FAM91A1: variants seen among roughly 807,000 people sequenced by gnomAD.
The protein encoded by FAM91A1 is family with sequence similarity 91 member A1.
Under a neutral mutation model 113.5 loss-of-function variants are expected in FAM91A1, and 41 were observed. That is an observed-to-expected ratio of 0.36 (90% confidence interval 0.28 to 0.47). The LOEUF (loss-of-function observed/expected upper bound fraction) is 0.47. Among genes scored for constraint, FAM91A1 ranks in the 20% least tolerant of loss-of-function variants. The pLI is 1.00. For synonymous variants in FAM91A1, 307 were observed against 347.9 expected, an observed-to-expected ratio of 0.88 and a Z score of 1.31; for missense variants, 696 against 1,001.2, an observed-to-expected ratio of 0.70 and a Z score of 4.11.
chr8:123,806,269 T>G, intron 20 of FAM91A1, 40 bp downstream of exon 20: 2 of 1,577,158 alleles, frequency 1.3e-6, no homozygotes, highest in Non-Finnish European at 1.7e-6. Context: ...AGATAATTGG[T>G]TTTGAGTTTG....
chr8:123,771,375 T>C (rs72715028), intron 1 of FAM91A1, among the ~76,000 whole-genome samples: 2,357 of 152,330 alleles, frequency 0.015, 33 homozygotes, highest in Middle Eastern at 0.024. Context: ...TTTGGCATTA[T>C]AGATTTTTAG....
At chr8:123,780,130 T>G in intron 7 of FAM91A1, 55 bp downstream of exon 7, 5 of 1,455,566 alleles carry the variant, frequency 3.4e-6, no homozygotes, top group Non-Finnish European at 4.8e-6. Context: ...TTTTAAACCA[T>G]CAATAATTAC....
In FAM91A1 at chr8:123,810,361, A is replaced by C; in HGVS notation, c.2331+10A>C. On this transcript the variant is annotated intron_variant, in intron 23 of 23. Transcript: ENST00000334705. ...TGTTCACTCATTCCAGGTAACAAAA[A>C]CCAAAAAGTCCAAATGGTACTTGTA... 3 of 1,613,224 alleles carry C rather than the reference A, an allele frequency of 1.9e-6. No homozygotes were observed. Among genetic ancestry groups the C allele is most frequent in the Non-Finnish European group, 2.5e-6 (3 of 1,179,372 alleles).
chr8:123,774,538 A>G (rs1205107644), intron 2 of FAM91A1, among the ~76,000 whole-genome samples: 1 of 152,100 alleles, frequency 6.6e-6, no homozygotes, highest in Non-Finnish European at 1.5e-5. Flanking sequence ...AAACTTTATA[A>G]TAATTGGGAC....
intron 16 of FAM91A1, 130 bp from the exon 17 acceptor site, chr8:123,799,390 T>C (rs1815621213): frequency 5.1e-6 from 4 of 787,078 alleles, no homozygotes; most frequent in South Asian, 4.6e-5. Context: ...TAATGAAACA[T>C]TTAAAGTTAT....
At chr8:123,788,051 G>A (rs1356500790) in intron 14 of FAM91A1, 3 of 385,076 alleles carry the variant, frequency 7.8e-6, no homozygotes, top group East Asian at 3.2e-4. Flanking sequence ...TTGAATTTTT[G>A]CTAAAATAGC....
intron 22 of FAM91A1, among the ~76,000 whole-genome samples, chr8:123,809,724 C>T (rs1191017682): frequency 6.6e-6 from 1 of 152,106 alleles, no homozygotes; most frequent in Non-Finnish European, 1.5e-5. Flanking sequence ...TAGCTTTTAT[C>T]AGAAAATGAA....
chr8:123,805,491 T>C, intron 19 of FAM91A1, 152 bp downstream of exon 19: 1 of 653,706 alleles, frequency 1.5e-6, no homozygotes, highest in Non-Finnish European at 2.6e-6. Flanking sequence ...AGGTAGTTTT[T>C]TGTCATGTGC....
chr8:123,774,267 A>C, intron 2 of FAM91A1, 103 bp downstream of exon 2: 1 of 895,974 alleles, frequency 1.1e-6, no homozygotes, highest in Non-Finnish European at 1.7e-6. Context: ...AGATTATTCC[A>C]TGTACAGACT....
intron 19 of FAM91A1, 21 bp from the exon 20 acceptor site, chr8:123,806,059 T>C: frequency 6.6e-7 from 1 of 1,524,494 alleles, no homozygotes; most frequent in East Asian, 2.3e-5. Flanking sequence ...TTCATTAATG[T>C]GATGTCCGTT....
At chr8:123,791,293 A>AT (rs34032505) in intron 15 of FAM91A1, among the ~76,000 whole-genome samples, 33,137 of 148,068 alleles carry the variant, frequency 0.22, 4,041 homozygotes, top group East Asian at 0.35. Flanking sequence ...GTGTCTGTTG[A>AT]TTTTTTTTTT....
At chr8:123,794,139 A>G (rs1815449539) in intron 15 of FAM91A1, among the ~76,000 whole-genome samples, 1 of 152,240 alleles carries the variant, frequency 6.6e-6, no homozygotes, top group South Asian at 2.1e-4. Flanking sequence ...ACAGTTGACA[A>G]GTGAACAACG....
chr8:123,789,823 T>G, intron 15 of FAM91A1, 78 bp downstream of exon 15: 3 of 1,491,768 alleles, frequency 2.0e-6, no homozygotes, highest in Non-Finnish European at 2.7e-6. Flanking sequence ...TCATGCTCAC[T>G]TATATAATCA....
chr8:123,768,797 G>C, intron 1 of FAM91A1, 23 bp downstream of exon 1: 1 of 1,606,636 alleles, frequency 6.2e-7, no homozygotes, highest in South Asian at 1.1e-5. Context: ...CCTGGGACCG[G>C]GCCCCTGACG....
chr8:123,769,375 T>A (rs1309200807), intron 1 of FAM91A1, among the ~76,000 whole-genome samples: 2 of 151,988 alleles, frequency 1.3e-5, no homozygotes, highest in Non-Finnish European at 2.9e-5. Flanking sequence ...ATCACCAGAG[T>A]TTGGACTGAC....
Position 123,798,134 on chromosome 8 carries a change from G to C in FAM91A1, c.1456G>C (p.Asp486His). Residue 486 changes from aspartate (D) to histidine (H), a missense_variant, in exon 16 of 24, where the codon GAC (aspartate) becomes CAC (histidine). Transcript: ENST00000334705. ...LLRCESLLGL[D>H]PATCSRVLNK... ...ACGCTGTGAAAGCCTTCTTGGTTTG[G>C]ACCCTGCAACTTGCAGCAGAGTTCT... The C allele has an allele frequency of 6.2e-7, 1 of 1,613,892 alleles. No homozygotes were observed.
At chr8:123,791,604 G>A (rs1224372059) in intron 15 of FAM91A1, among the ~76,000 whole-genome samples, 1 of 152,060 alleles carries the variant, frequency 6.6e-6, no homozygotes, top group African/African-American at 2.4e-5. Context: ...CTCCCCTTAA[G>A]ACCAAACCTG....
chr8:123,783,297 C>G (rs80060450), intron 8 of FAM91A1, among the ~76,000 whole-genome samples: 1,781 of 152,220 alleles, frequency 0.012, 44 homozygotes, highest in African/African-American at 0.04. Flanking sequence ...TAGCCTAGCA[C>G]TTAGTAAGCA....
intron 18 of FAM91A1, among the ~76,000 whole-genome samples, chr8:123,803,333 A>ACGGT (rs1245595528): frequency 6.6e-6 from 1 of 151,908 alleles, no homozygotes; most frequent in Non-Finnish European, 1.5e-5. Context: ...GTTTTGAGAC[A>ACGGT]CGGTCTCACT....
Sources: gnomAD v4.1 joint callset for allele counts (sites outside exome capture counted in the v4.1 genomes callset) on GRCh38, gnomAD v4.1.1 for gene constraint, MANE v1.5 for transcripts, NCBI Gene and HGNC (gene_info 2026-07-23, HGNC 2026-07-21) for gene names.